Variants in NELL1 observed in about 807,000 individuals in gnomAD.
NELL1 encodes the protein neural EGFL like 1.
NELL1 carries 76 observed loss-of-function variants against 107.4 expected under a neutral mutation model. The observed-to-expected ratio is 0.71, with a 90% confidence interval of 0.59 to 0.86. NELL1 has a LOEUF of 0.86. Ranked by LOEUF, NELL1 falls within the 40% of genes least tolerant of loss-of-function variation. The probability of loss-of-function intolerance (pLI) is 0.00; values close to 1 mark genes in which losing one functional copy is unlikely to be tolerated. For synonymous variants in NELL1, 353 were observed against 341.2 expected (o/e 1.03, Z -0.38); for missense variants, 1,024 against 1,005.5 (o/e 1.02, Z -0.25).
intron 2 of NELL1, among the ~76,000 whole-genome samples, chr11:20,702,282 G>A (rs1299230853): frequency 1.3e-5 from 2 of 152,138 alleles, no homozygotes; most frequent in Non-Finnish European, 2.9e-5. Flanking sequence ...TTATGAATAG[G>A]AGTTCACTCA....
At chr11:21,499,702 A>C (rs1855086024) in intron 15 of NELL1, among the ~76,000 whole-genome samples, 1 of 152,112 alleles carries the variant, frequency 6.6e-6, no homozygotes. Context: ...GAGAGGATTT[A>C]ATCCAATTCA....
intron 13 of NELL1, among the ~76,000 whole-genome samples, chr11:21,143,048 A>G (rs1855901769): frequency 6.6e-6 from 1 of 152,190 alleles, no homozygotes; most frequent in African/African-American, 2.4e-5. Flanking sequence ...CCCAAGTGGG[A>G]TGTAGGGAGA....
At chr11:21,429,456 A>G (rs1036422326) in intron 15 of NELL1, among the ~76,000 whole-genome samples, 1 of 152,184 alleles carries the variant, frequency 6.6e-6, no homozygotes, top group Non-Finnish European at 1.5e-5. Flanking sequence ...TGAATTTGGA[A>G]GATATTCTAT....
intron 12 of NELL1, among the ~76,000 whole-genome samples, chr11:20,983,598 C>T (rs914705878): frequency 5.3e-5 from 8 of 152,144 alleles, no homozygotes; most frequent in Non-Finnish European, 1.0e-4. Context: ...AAAGTCCAGT[C>T]GATTACCAGA....
rs1231068479 is a variant in NELL1, at chr11:20,919,336, T to C, written c.759+2T>C. On this transcript the variant is annotated splice_donor_variant, in intron 7 of 19. Coordinates refer to ENST00000357134, the MANE Select transcript of NELL1 (RefSeq NM_006157.5). LOFTEE classifies it high-confidence loss of function. ...CTTTTGGCCAAGATGACTGCAAAAGTAGGTATCTAAATTTCATTTGTGATG... is the reference window on the plus strand; with the variant it reads ...CTTTTGGCCAAGATGACTGCAAAAGCAGGTATCTAAATTTCATTTGTGATG... 5 of 1,547,018 alleles carry C rather than the reference T, an allele frequency of 3.2e-6. No homozygotes were observed. The highest frequency in any genetic ancestry group is 4.4e-6 in the Non-Finnish European group (5 of 1,123,908).
At chr11:21,566,804 T>G (rs967518295) in intron 17 of NELL1, among the ~76,000 whole-genome samples, 5 of 151,840 alleles carry the variant, frequency 3.3e-5, no homozygotes, top group African/African-American at 1.2e-4. Context: ...ATTAATGGAG[T>G]CACCTGTGAC....
intron 15 of NELL1, among the ~76,000 whole-genome samples, chr11:21,484,445 C>T (rs867928741): frequency 1.3e-5 from 2 of 151,798 alleles, no homozygotes; most frequent in African/African-American, 4.8e-5. Context: ...CTTACCTCTC[C>T]CCTTACATTT....
intron 5 of NELL1, among the ~76,000 whole-genome samples, chr11:20,895,403 A>G (rs1192994345): frequency 7.1e-6 from 1 of 140,350 alleles, no homozygotes; most frequent in Non-Finnish European, 1.5e-5. Flanking sequence ...CACCCTTCCC[A>G]GTCTCTGTTA....
At chr11:21,197,161 G>C (rs1857172506) in intron 13 of NELL1, among the ~76,000 whole-genome samples, 1 of 150,848 alleles carries the variant, frequency 6.6e-6, no homozygotes, top group Non-Finnish European at 1.5e-5. Flanking sequence ...ACAGGCGTCA[G>C]CCACCTCACC....
At chr11:21,375,056 C>A (rs1012064289) in intron 15 of NELL1, among the ~76,000 whole-genome samples, 1 of 151,902 alleles carries the variant, frequency 6.6e-6, no homozygotes, top group African/African-American at 2.4e-5. Flanking sequence ...CTTTTTTCAA[C>A]TTTTATTTTA....
chr11:21,104,423 T>C (rs958793313), intron 12 of NELL1, among the ~76,000 whole-genome samples: 24 of 152,262 alleles, frequency 1.6e-4, no homozygotes, highest in African/African-American at 5.1e-4. Flanking sequence ...ATATGTTACT[T>C]TATGACAGTG....
At chr11:20,927,594 A>T in intron 8 of NELL1, 152 bp downstream of exon 8, 1 of 677,596 alleles carries the variant, frequency 1.5e-6, no homozygotes, top group Non-Finnish European at 2.4e-6. Flanking sequence ...GCAATTGTGA[A>T]GCAATGCTGG....
chr11:21,246,211 A>C (rs1008974624), intron 14 of NELL1, among the ~76,000 whole-genome samples: 1 of 152,212 alleles, frequency 6.6e-6, no homozygotes, highest in Non-Finnish European at 1.5e-5. Context: ...TGAAGAAGGC[A>C]GAAGTATTGT....
chr11:21,570,630 CAT>C (rs1440026492), intron 17 of NELL1, 132 bp from the exon 18 acceptor site: 4 of 647,688 alleles, frequency 6.2e-6, no homozygotes, highest in African/African-American at 1.8e-5. Flanking sequence ...TGTGAACACA[CAT>C]GTGTGCTTCA....
Position 20,671,568 on chromosome 11 carries a change from C to T in NELL1, c.55+1790C>T, listed in dbSNP as rs1014220630. ...TAAGAACAGGTATTTTCCCTCTTTC[C>T]ACTTCCAATCCCCTTTAAATCTTGT... On this transcript the variant is annotated intron_variant, in intron 1 of 19. Transcript: ENST00000357134. Among the ~76,000 whole-genome samples, 5 of 152,314 alleles carry T rather than the reference C, an allele frequency of 3.3e-5. 1 individual carries two copies. Among genetic ancestry groups the T allele is most frequent in the Admixed American group, 2.6e-4 (4 of 15,302 alleles).
chr11:20,740,591 A>G (rs1855867574), intron 2 of NELL1, among the ~76,000 whole-genome samples: 1 of 152,088 alleles, frequency 6.6e-6, no homozygotes, highest in Non-Finnish European at 1.5e-5. Flanking sequence ...TCCCCTTAAC[A>G]GATTGCTGCT....
chr11:20,998,233 AATAAATAGCT>A (rs1274740207), intron 12 of NELL1, among the ~76,000 whole-genome samples: 1 of 152,168 alleles, frequency 6.6e-6, no homozygotes, highest in Non-Finnish European at 1.5e-5. Context: ...CCCTGTTTTC[AATAAATAGCT>A]ATTTAGTAAA....
chr11:21,198,180 G>A (rs1857194343), intron 13 of NELL1, among the ~76,000 whole-genome samples: 1 of 152,230 alleles, frequency 6.6e-6, no homozygotes, highest in Admixed American at 6.5e-5. Flanking sequence ...AGCACTCCAT[G>A]TGCCTCTCCA....
chr11:21,002,081 A>G (rs916326084), intron 12 of NELL1, among the ~76,000 whole-genome samples: 15 of 152,184 alleles, frequency 9.9e-5, no homozygotes, highest in African/African-American at 3.6e-4. Context: ...TTGGCTAACT[A>G]TACTTTTCAC....
Sources: gnomAD v4.1 joint callset for allele counts (sites outside exome capture counted in the v4.1 genomes callset) on GRCh38, gnomAD v4.1.1 for gene constraint, MANE v1.5 for transcripts, NCBI Gene and HGNC (gene_info 2026-07-23, HGNC 2026-07-21) for gene names.